The following USP2 variants were observed in gnomAD, a reference collection of about 807,000 sequenced individuals.
The protein encoded by USP2 is ubiquitin specific peptidase 2, also known as ubiquitin carboxyl-terminal hydrolase 2.
In USP2, 33 loss-of-function variants were observed where a neutral mutation model predicts 72.0. The observed-to-expected ratio is 0.46, with a 90% CI of 0.35 to 0.61. USP2 has a LOEUF of 0.61. USP2 is among the 20% of genes least tolerant of loss of function. USP2 has a pLI of 0.01. For missense variants in USP2, 691 were observed against 797.8 expected (o/e 0.87, Z 1.61); for synonymous variants, 296 against 312.5 (o/e 0.95, Z 0.56).
At chr11:119,361,246 G>A (rs930966138) in intron 2 of USP2, among the ~76,000 whole-genome samples, 2 of 152,246 alleles carry the variant, frequency 1.3e-5, no homozygotes, top group Non-Finnish European at 1.5e-5. Context: ...GGCTGAAATT[G>A]CCACTCTTGC....
Position 119,356,129 on chromosome 11 carries a change from T to C in USP2, c.*706A>G, listed in dbSNP as rs575691136. 1.3e-5 allele frequency: 2 copies of C among 151,112 alleles called. No homozygotes were observed. Among genetic ancestry groups the C allele is most frequent in the African/African-American group, 4.9e-5 (2 of 41,102 alleles). 9.4% of individuals were successfully genotyped at this position (151,112 alleles called of 1,614,324 possible). On this transcript the variant is annotated 3_prime_UTR_variant, in exon 13 of 13. Transcript: ENST00000260187. ...GTCTACTGTGGCTGTGCTTGGGGCCTGGCCAACGCCCACCTAGCACCACGG... is the reference window on the plus strand; with the variant it reads ...GTCTACTGTGGCTGTGCTTGGGGCCCGGCCAACGCCCACCTAGCACCACGG...
In USP2 at chr11:119,356,657, A is replaced by G; in HGVS notation, c.*178T>C. 1 of 634,158 alleles carries G rather than the reference A, an allele frequency of 1.6e-6. No homozygotes were observed. Among genetic ancestry groups the G allele is most frequent in the Non-Finnish European group, 2.7e-6 (1 of 377,280 alleles). 39.3% of individuals were successfully genotyped at this position (634,158 alleles called of 1,614,324 possible). ...TCCCTGCCGGGCCACAGCTCAGGAA[A>G]GCCCGGCTCCTTGCTCCAGACCCTG... is the stretch of plus-strand genomic sequence containing the variant. On this transcript the variant is annotated 3_prime_UTR_variant, in exon 13 of 13. Coordinates refer to ENST00000260187, the MANE Select transcript of USP2 (RefSeq NM_004205.5).
At chr11:119,371,966 G>C (rs1047496728) in intron 2 of USP2, among the ~76,000 whole-genome samples, 1 of 152,200 alleles carries the variant, frequency 6.6e-6, no homozygotes, top group African/African-American at 2.4e-5. Context: ...CTACAGAAAA[G>C]GCAGATGTCG....
At chr11:119,370,539 T>A (rs513841) in intron 2 of USP2, among the ~76,000 whole-genome samples, 131,453 of 152,070 alleles carry the variant, frequency 0.86, 56,828 homozygotes, top group East Asian at 0.91. Flanking sequence ...TAGAAAGAAG[T>A]GGTCCAGGCC....
At chr11:119,375,524 T>A (rs541151717) in intron 1 of USP2, among the ~76,000 whole-genome samples, 1 of 152,228 alleles carries the variant, frequency 6.6e-6, no homozygotes, top group South Asian at 2.1e-4. Context: ...GGGGATGATG[T>A]CACACAGCGT....
chr11:119,374,060 A>G (rs1383578085), intron 1 of USP2, among the ~76,000 whole-genome samples: 1 of 150,166 alleles, frequency 6.7e-6, no homozygotes, highest in Non-Finnish European at 1.5e-5. Context: ...GAGGCCAAGG[A>G]GGCTCAGGGG....
chr11:119,376,090 C>T (rs1950997144), intron 1 of USP2: 1 of 758,808 alleles, frequency 1.3e-6, no homozygotes. Flanking sequence ...GTTCCCATGC[C>T]TGCGGAGAGG....
At chr11:119,372,011 T>C (rs1032942567) in intron 2 of USP2, among the ~76,000 whole-genome samples, 2 of 152,192 alleles carry the variant, frequency 1.3e-5, no homozygotes, top group Non-Finnish European at 2.9e-5. Context: ...CGGGCATTAG[T>C]TGGCGAGCGA....
In USP2 at chr11:119,357,826, G is replaced by A. The variant is rs763624175; in HGVS notation, c.1432C>T (p.Arg478Cys). The A allele has an allele frequency of 6.8e-6, 11 of 1,613,198 alleles. No individual in the cohort carries two copies. Among genetic ancestry groups the A allele is most frequent in the South Asian group, 5.5e-5 (5 of 91,032 alleles). The change falls in exon 10 of 13, where the codon CGC (arginine) becomes TGC (cysteine). Residue 478 changes from arginine (R) to cysteine (C), a missense_variant. Transcript: ENST00000260187. ...LDGDEKPTCC[R>C]CRGRKRCIKK... ...ATACACCGTTTTCTGCCTCGGCAGC[G>A]ACAGCATGTCTGAGAGACAAGACAA... is the stretch of plus-strand genomic sequence containing the variant.
chr11:119,368,863 C>T (rs894431211), intron 2 of USP2, among the ~76,000 whole-genome samples: 3 of 152,178 alleles, frequency 2.0e-5, no homozygotes, highest in Non-Finnish European at 4.4e-5. Flanking sequence ...TGGGCAGAGG[C>T]CAGCGGGCAG....
Position 119,356,124 on chromosome 11 carries a change from G to C in USP2, c.*711C>G, listed in dbSNP as rs1164137463. On this transcript the variant is annotated 3_prime_UTR_variant, in exon 13 of 13. Coordinates refer to ENST00000260187, the MANE Select transcript of USP2 (RefSeq NM_004205.5). The stretch of plus-strand genomic sequence containing the variant: ...CCCAGGTCTACTGTGGCTGTGCTTG[G>C]GGCCTGGCCAACGCCCACCTAGCAC... The C allele has an allele frequency of 6.6e-6, 1 of 151,844 alleles. No homozygotes were observed. The highest frequency in any genetic ancestry group is 1.5e-5 in the Non-Finnish European group (1 of 67,970). 9.4% of individuals were successfully genotyped at this position (151,844 alleles called of 1,614,324 possible).
chr11:119,380,822 C>T (rs1479099941), intron 1 of USP2: 1 of 156,614 alleles, frequency 6.4e-6, no homozygotes, highest in Non-Finnish European at 1.4e-5. Flanking sequence ...CATGCCCATT[C>T]CAGGGGAGGT....
intron 1 of USP2, among the ~76,000 whole-genome samples, chr11:119,375,615 A>T (rs879722724): frequency 4.6e-5 from 7 of 152,190 alleles, no homozygotes; most frequent in Non-Finnish European, 7.4e-5. Flanking sequence ...TTTGCTTTGG[A>T]GAACTCCATC....
intron 2 of USP2, among the ~76,000 whole-genome samples, chr11:119,367,168 A>G (rs1409612141): frequency 6.6e-6 from 1 of 152,220 alleles, no homozygotes; most frequent in Non-Finnish European, 1.5e-5. Flanking sequence ...GCTCTGGCTC[A>G]GTGACTCTCT....
chr11:119,360,249 C>CATAT lies in USP2; in HGVS notation c.775-19_775-16dup. ...CTCTTAGAATTCTGTAAGCAAAGAA[C>CATAT]ATATGGCAATAAGGTGGAAGCAAAG... On this transcript the variant is annotated splice_polypyrimidine_tract_variant and intron_variant, in intron 2 of 12. Transcript: ENST00000260187. 6 of 1,613,790 alleles carry CATAT rather than the reference C, an allele frequency of 3.7e-6. No individual in the cohort carries two copies. The highest frequency in any genetic ancestry group is 5.1e-6 in the Non-Finnish European group (6 of 1,179,890).
chr11:119,380,073 C>A (rs1218699438), intron 1 of USP2, among the ~76,000 whole-genome samples: 1 of 151,890 alleles, frequency 6.6e-6, no homozygotes, highest in East Asian at 1.9e-4. Flanking sequence ...CGCCAGCACG[C>A]CCGGCTAATT....
intron 2 of USP2, among the ~76,000 whole-genome samples, chr11:119,363,543 G>A (rs902311664): frequency 3.3e-5 from 5 of 152,106 alleles, no homozygotes; most frequent in African/African-American, 1.2e-4. Context: ...TCAAGGTTAT[G>A]CTTTCCTGCA....
chr11:119,376,441 C>T (rs1017202972), intron 1 of USP2: 1 of 983,008 alleles, frequency 1.0e-6, no homozygotes, highest in African/African-American at 1.7e-5. Flanking sequence ...CCTCCCTGCC[C>T]AGTGCGGGGG....
intron 1 of USP2, 47 bp from the exon 2 acceptor site, chr11:119,373,568 G>A: frequency 6.9e-7 from 1 of 1,446,026 alleles, no homozygotes; most frequent in East Asian, 2.4e-5. Context: ...CCAGGTGTCG[G>A]GCTCCCACAG....
Sources: gnomAD v4.1 joint callset for allele counts (sites outside exome capture counted in the v4.1 genomes callset) on GRCh38, gnomAD v4.1.1 for gene constraint, MANE v1.5 for transcripts, NCBI Gene and HGNC (gene_info 2026-07-23, HGNC 2026-07-21) for gene names.